PWWP3B: variants seen among roughly 807,000 people sequenced by gnomAD.
PWWP3B encodes PWWP domain-containing DNA repair factor 3B.
A neutral mutation model predicts 15.7 loss-of-function variants in PWWP3B; 5 were observed. The observed-to-expected ratio is 0.32, with a 90% confidence interval of 0.17 to 0.67. The LOEUF (loss-of-function observed/expected upper bound fraction) is 0.67. PWWP3B is among the 30% of genes least tolerant of loss of function. The probability of loss-of-function intolerance (pLI) is 0.74; values close to 1 mark genes in which losing one functional copy is unlikely to be tolerated. For synonymous variants in PWWP3B, 203 were observed against 179.8 expected (o/e 1.13, Z -1.03); for missense variants, 519 against 493.1 (o/e 1.05, Z -0.50).
intron 2 of PWWP3B, among the ~76,000 whole-genome samples, chrX:106,177,914 GT>G (rs1204085253): frequency 2.7e-5 from 3 of 112,117 alleles, no homozygotes; most frequent in African/African-American, 9.7e-5. Flanking sequence ...GATTATGGAA[GT>G]TTTTTTAAAA....
At position 106,207,043 on chromosome X, in the gene PWWP3B, C is replaced by A. The variant is rs770592403; in HGVS notation, c.1611C>A (p.Phe537Leu). ...AVTSQTKKMS[F>L]QKILPDRMKA... Reference sequence around the variant, plus strand: ...CTTCCCAGACCAAGAAAATGTCCTTCCAAAAAATTCTCCCTGACCGGATGA... The same window carrying A: ...CTTCCCAGACCAAGAAAATGTCCTTACAAAAAATTCTCCCTGACCGGATGA... The change falls in exon 4 of 4, where the codon TTC becomes TTA. Residue 537 changes from phenylalanine (F) to leucine (L), a missense_variant. Phe to Leu is a conservative substitution (Grantham distance 22, BLOSUM62 0). Coordinates refer to ENST00000357175, the MANE Select transcript of PWWP3B (RefSeq NM_001171020.2). The A allele has an allele frequency of 1.7e-6, 2 of 1,206,293 alleles. No individual in the cohort carries two copies. Among genetic ancestry groups the A allele is most frequent in the African/African-American group, 3.5e-5 (2 of 57,226 alleles).
intron 2 of PWWP3B, among the ~76,000 whole-genome samples, chrX:106,174,300 G>A (rs1440960449): frequency 9.0e-6 from 1 of 110,690 alleles, no homozygotes; most frequent in East Asian, 2.8e-4. Flanking sequence ...GGGTTGTGAG[G>A]GCCTCACCAA....
Position 106,207,011 on chromosome X carries a change from G to A in PWWP3B, c.1579G>A (p.Ala527Thr), listed in dbSNP as rs372624065. 8.3e-7 allele frequency: 1 copy of A among 1,208,391 alleles called. No individual in the cohort carries two copies. The highest frequency in any genetic ancestry group is 1.7e-5 in the African/African-American group (1 of 57,198). ...TAATGAAGATGCCAGGGAACCGATG[G>A]CTGTAACTTCCCAGACCAAGAAAAT... The part of the protein sequence containing the change: ...LHNEDAREPM[A>T]VTSQTKKMSF... The change falls in exon 4 of 4, where the codon GCT becomes ACT. Residue 527 changes from alanine (A) to threonine (T), a missense_variant. Transcript: ENST00000357175.
At chrX:106,171,936 A>AT (rs768108460) in intron 2 of PWWP3B, among the ~76,000 whole-genome samples, 1 of 109,820 alleles carries the variant, frequency 9.1e-6, no homozygotes, top group Admixed American at 9.7e-5. Flanking sequence ...TACGATTAAC[A>AT]TTTTTTTTTC....
rs995743836 is a variant in PWWP3B, at chrX:106,207,642, CT to C, written c.*127del. On this transcript the variant is annotated 3_prime_UTR_variant, in exon 4 of 4. Transcript: ENST00000357175. ...AATGGGAGCATGGATAATGTGTTCACTTTTTTTTGAGATCTCTAGGATCTGT... is the reference window on the plus strand; with the variant it reads ...AATGGGAGCATGGATAATGTGTTCACTTTTTTTGAGATCTCTAGGATCTGT... 78 of 688,317 alleles carry C rather than the reference CT, an allele frequency of 1.1e-4. No individual in the cohort carries two copies. Among genetic ancestry groups the C allele is most frequent in the South Asian group, 1.6e-4 (3 of 19,233 alleles). 56.7% of individuals were successfully genotyped at this position (688,317 alleles called of 1,213,427 possible).
chrX:106,191,664 A>G (rs1922973185), intron 2 of PWWP3B, among the ~76,000 whole-genome samples: 2 of 111,223 alleles, frequency 1.8e-5, no homozygotes, highest in South Asian at 7.5e-4. Context: ...TCAGTATGAT[A>G]TTGGCTGTGG....
chrX:106,199,373 A>G (rs1923566588), intron 2 of PWWP3B, among the ~76,000 whole-genome samples: 1 of 111,830 alleles, frequency 8.9e-6, no homozygotes, highest in African/African-American at 3.2e-5. Context: ...TGTAATTTGT[A>G]TAAGATCAAC....
chrX:106,195,561 C>T (rs1033021957), intron 2 of PWWP3B, among the ~76,000 whole-genome samples: 12 of 111,237 alleles, frequency 1.1e-4, no homozygotes, highest in Admixed American at 2.9e-4. Context: ...CCAGTTGTTC[C>T]GTACCATTTG....
At chrX:106,173,382 T>G (rs907155933) in intron 2 of PWWP3B, among the ~76,000 whole-genome samples, 2 of 111,770 alleles carry the variant, frequency 1.8e-5, no homozygotes, top group African/African-American at 6.5e-5. Flanking sequence ...ATAATACTTC[T>G]CTTTTTTGTA....
At chrX:106,194,029 T>A (rs1923195773) in intron 2 of PWWP3B, among the ~76,000 whole-genome samples, 1 of 111,320 alleles carries the variant, frequency 9.0e-6, no homozygotes, top group African/African-American at 3.3e-5. Context: ...TTGGAGTTGC[T>A]CTTCTTGAGG....
chrX:106,181,311 TA>T (rs1041615043), intron 2 of PWWP3B, among the ~76,000 whole-genome samples: 8 of 111,709 alleles, frequency 7.2e-5, no homozygotes, highest in African/African-American at 2.3e-4. Flanking sequence ...GGCCAGCTTT[TA>T]TTCCCTTATT....
intron 2 of PWWP3B, among the ~76,000 whole-genome samples, chrX:106,179,780 G>A (rs748602460): frequency 3.6e-5 from 4 of 112,145 alleles, no homozygotes; most frequent in Non-Finnish European, 7.5e-5. Context: ...TCTAAGTTGA[G>A]AATATGGGAT....
intron 2 of PWWP3B, among the ~76,000 whole-genome samples, chrX:106,189,717 A>G (rs1440223562): frequency 1.1e-4 from 11 of 101,600 alleles, no homozygotes; most frequent in African/African-American, 4.1e-4. Flanking sequence ...TCCCGGGTTC[A>G]CGCCATTCTC....
intron 2 of PWWP3B, among the ~76,000 whole-genome samples, chrX:106,190,504 C>G (rs1922857282): frequency 9.0e-6 from 1 of 111,498 alleles, no homozygotes; most frequent in South Asian, 3.8e-4. Context: ...TGCCTGTTCA[C>G]TCTGATGGTA....
intron 2 of PWWP3B, among the ~76,000 whole-genome samples, chrX:106,183,296 C>G (rs1358024602): frequency 8.9e-6 from 1 of 111,843 alleles, no homozygotes; most frequent in Non-Finnish European, 1.9e-5. Flanking sequence ...ACTGCATTTT[C>G]TTACTAAGCC....
At chrX:106,188,703 G>A in intron 2 of PWWP3B, among the ~76,000 whole-genome samples, 1 of 112,390 alleles carries the variant, frequency 8.9e-6, no homozygotes, top group Admixed American at 9.4e-5. Flanking sequence ...GACAACCACT[G>A]ATTTGATTTC....
chrX:106,206,742 G>C lies in PWWP3B; in HGVS notation c.1310G>C (p.Arg437Thr). 1.7e-6 allele frequency: 2 copies of C among 1,210,279 alleles called. No individual in the cohort carries two copies. The highest frequency in any genetic ancestry group is 2.2e-6 in the Non-Finnish European group (2 of 894,811). Reference sequence around the variant, plus strand: ...ATGAATTCTGAAAAGAAGGGCATTAGAGTAAATTTTAGAAGATTAAAGAAA... The same window carrying C: ...ATGAATTCTGAAAAGAAGGGCATTACAGTAAATTTTAGAAGATTAAAGAAA... Reference protein sequence around the residue: ...ANMNSEKKGIRVNFRRLKKFD... With the variant: ...ANMNSEKKGITVNFRRLKKFD... Residue 437 changes from arginine (R) to threonine (T), a missense_variant, in exon 4 of 4, where the codon AGA (arginine) becomes ACA (threonine). By Grantham distance (71) the Arg-to-Thr change is moderately conservative. Coordinates refer to ENST00000357175, the MANE Select transcript of PWWP3B (RefSeq NM_001171020.2).
At position 106,205,739 on chromosome X, in the gene PWWP3B, T is replaced by C. The variant is rs751504791; in HGVS notation, c.307T>C (p.Leu103=). The part of the protein sequence containing the change: ...ALGILNERTN[L]SQASTSDEEE... Reference sequence around the variant, plus strand: ...GGGTATTCTGAATGAGAGAACAAATTTGAGTCAAGCAAGCACTTCAGATGA... The same window carrying C: ...GGGTATTCTGAATGAGAGAACAAATCTGAGTCAAGCAAGCACTTCAGATGA... The change falls in exon 4 of 4, where the codon TTG becomes CTG. Residue 103 remains leucine, a synonymous_variant. Transcript: ENST00000357175. The C allele has an allele frequency of 3.5e-5, 42 of 1,209,781 alleles. No homozygotes were observed. Among genetic ancestry groups the C allele is most frequent in the Non-Finnish European group, 4.5e-5 (40 of 895,157 alleles).
At chrX:106,192,576 T>G (rs1170506667) in intron 2 of PWWP3B, among the ~76,000 whole-genome samples, 1 of 111,559 alleles carries the variant, frequency 9.0e-6, no homozygotes, top group Non-Finnish European at 1.9e-5. Flanking sequence ...TTTCTTGCCT[T>G]CTGCTAGCTT....
Sources: allele counts gnomAD v4.1 joint callset (sites outside exome capture counted in the v4.1 genomes callset), GRCh38; gene constraint gnomAD v4.1.1; transcripts MANE v1.5; gene names NCBI Gene and HGNC (gene_info 2026-07-23, HGNC 2026-07-21).